The following DENND4C variants were observed in gnomAD, a reference collection of about 807,000 sequenced individuals.
DENND4C encodes DENN domain containing 4C.
Under a neutral mutation model 203.0 loss-of-function variants are expected in DENND4C, and 108 were observed. That is an observed-to-expected ratio of 0.53 (90% confidence interval 0.46 to 0.62). The LOEUF is 0.62. DENND4C is among the 20% of genes least tolerant of loss of function. The probability of loss-of-function intolerance (pLI) is 0.00; values close to 1 mark genes in which losing one functional copy is unlikely to be tolerated. For synonymous variants in DENND4C, 871 were observed against 792.4 expected, an observed-to-expected ratio of 1.10 and a Z score of -1.67; for missense variants, 2,481 against 2,301.2, an observed-to-expected ratio of 1.08 and a Z score of -1.60.
intron 6 of DENND4C, 118 bp downstream of exon 6, chr9:19,296,364 CTTTTTTT>C: frequency 4.2e-6 from 2 of 480,600 alleles, no homozygotes; most frequent in Non-Finnish European, 7.2e-6. Context: ...TTTAACTGAA[CTTTTTTT>C]TTTTTTTTTT....
chr9:19,304,060 A>C (rs1482330043), intron 9 of DENND4C, among the ~76,000 whole-genome samples: 5 of 151,148 alleles, frequency 3.3e-5, no homozygotes, highest in East Asian at 1.9e-4. Context: ...AAAAAAAAAA[A>C]AACCCACAAA....
intron 2 of DENND4C, among the ~76,000 whole-genome samples, chr9:19,277,217 T>C (rs1287043498): frequency 6.6e-6 from 1 of 152,168 alleles, no homozygotes; most frequent in Non-Finnish European, 1.5e-5. Flanking sequence ...AGCTTATCTA[T>C]TTATACAAAA....
intron 10 of DENND4C, among the ~76,000 whole-genome samples, chr9:19,309,961 A>AT (rs1469558452): frequency 2.0e-5 from 3 of 152,096 alleles, no homozygotes; most frequent in African/African-American, 7.2e-5. Flanking sequence ...TCTTTTCAGA[A>AT]TTTTTTGGTG....
intron 1 of DENND4C, among the ~76,000 whole-genome samples, chr9:19,236,109 A>G (rs1408686926): frequency 6.6e-6 from 1 of 152,032 alleles, no homozygotes; most frequent in African/African-American, 2.4e-5. Flanking sequence ...AGATCTTAAA[A>G]GCATAAATGT....
chr9:19,264,919 C>G (rs1830178446), intron 1 of DENND4C, among the ~76,000 whole-genome samples: 8 of 151,990 alleles, frequency 5.3e-5, no homozygotes, highest in Admixed American at 5.2e-4. Flanking sequence ...GATGTAGGCA[C>G]TTTTGCTATA....
intron 26 of DENND4C, among the ~76,000 whole-genome samples, chr9:19,353,358 G>A (rs1824621061): frequency 6.6e-6 from 1 of 152,124 alleles, no homozygotes; most frequent in Non-Finnish European, 1.5e-5. Flanking sequence ...GCCAGGTGTG[G>A]TGGCTCACAC....
intron 9 of DENND4C, among the ~76,000 whole-genome samples, chr9:19,302,549 A>G (rs531744821): frequency 6.6e-6 from 1 of 152,248 alleles, no homozygotes; most frequent in South Asian, 2.1e-4. Flanking sequence ...GTTGAATAGA[A>G]GATAATTGTC....
At position 19,346,503 on chromosome 9, in the gene DENND4C, A is replaced by G. The variant is rs149094194; in HGVS notation, c.3734A>G (p.Asp1245Gly). ...YGIAKVVQRE[D>G]VETGLDPLSL... ...ATTGCTAAGGTGGTTCAGAGGGAAGATGTTGAAACTGGACTAGATCCTTTG... is the reference window on the plus strand; with the variant it reads ...ATTGCTAAGGTGGTTCAGAGGGAAGGTGTTGAAACTGGACTAGATCCTTTG... The change falls in exon 23 of 33, where the codon GAT becomes GGT. Residue 1245 changes from aspartate to glycine, a missense_variant. By Grantham distance (94) the Asp-to-Gly change is moderately conservative. Transcript: ENST00000434457. 873 of 1,614,196 alleles carry G rather than the reference A, an allele frequency of 5.4e-4. 3 individuals carry two copies. The highest frequency in any genetic ancestry group is 4.5e-3 in the Middle Eastern group (27 of 6,062).
At chr9:19,322,242 CT>C (rs1842999363) in intron 12 of DENND4C, among the ~76,000 whole-genome samples, 1 of 152,070 alleles carries the variant, frequency 6.6e-6, no homozygotes, top group Non-Finnish European at 1.5e-5. Flanking sequence ...AGTTGTGGAA[CT>C]TTTTTTCCCC....
At chr9:19,362,422 G>A (rs1483312181) in intron 30 of DENND4C, among the ~76,000 whole-genome samples, 1 of 152,046 alleles carries the variant, frequency 6.6e-6, no homozygotes, top group Non-Finnish European at 1.5e-5. Context: ...AGAATGGACT[G>A]CTGGGAAGAA....
chr9:19,335,253 GTATA>G (rs376699879), intron 18 of DENND4C, 148 bp downstream of exon 18: 4 of 401,970 alleles, frequency 1.0e-5, no homozygotes, highest in Non-Finnish European at 1.6e-5. Context: ...TTGACAAAAA[GTATA>G]TATATTTATC....
At chr9:19,349,041 A>G (rs962856250) in intron 23 of DENND4C, among the ~76,000 whole-genome samples, 1 of 152,086 alleles carries the variant, frequency 6.6e-6, no homozygotes, top group Non-Finnish European at 1.5e-5. Context: ...CCTGGGCTCA[A>G]GTGTTCCTAG....
intron 31 of DENND4C, 51 bp downstream of exon 31, chr9:19,370,038 T>A (rs899720969): frequency 1.2e-5 from 19 of 1,591,824 alleles, no homozygotes; most frequent in Admixed American, 1.7e-5. Flanking sequence ...TTCATGTTTT[T>A]AAAAAAATAT....
At chr9:19,356,159 A>G (rs1825351320) in intron 26 of DENND4C, among the ~76,000 whole-genome samples, 1 of 152,100 alleles carries the variant, frequency 6.6e-6, no homozygotes, top group Non-Finnish European at 1.5e-5. Context: ...TACTTAGTCT[A>G]TCACCTATCT....
chr9:19,356,119 C>T (rs1022930842), intron 26 of DENND4C, among the ~76,000 whole-genome samples: 2 of 151,976 alleles, frequency 1.3e-5, no homozygotes, highest in Non-Finnish European at 2.9e-5. Context: ...CAAATATCTA[C>T]CCCTGCGTCC....
At chr9:19,361,046 G>A (rs980895226) in intron 29 of DENND4C, among the ~76,000 whole-genome samples, 2 of 152,040 alleles carry the variant, frequency 1.3e-5, no homozygotes, top group Non-Finnish European at 2.9e-5. Flanking sequence ...GTTAATTTTT[G>A]TATTTTTGGT....
At chr9:19,321,916 CAT>C (rs765986733) in intron 12 of DENND4C, among the ~76,000 whole-genome samples, 1 of 151,096 alleles carries the variant, frequency 6.6e-6, no homozygotes, top group Non-Finnish European at 1.5e-5. Context: ...ATCCTGAAGT[CAT>C]GTGATGGTTT....
intron 5 of DENND4C, among the ~76,000 whole-genome samples, chr9:19,291,123 AG>A (rs1836208829): frequency 2.0e-5 from 3 of 152,334 alleles, no homozygotes; most frequent in South Asian, 4.1e-4. Context: ...CCAGGTGTCA[AG>A]ATGAGATGAT....
chr9:19,325,470 G>A lies in DENND4C; in HGVS notation c.1954-469G>A, dbSNP rs993846477. The stretch of plus-strand genomic sequence containing the variant: ...GAATATTATGACATTAATTTTTATG[G>A]CCCCCTCATGATTCATATGCCTTAG... On this transcript the variant is annotated intron_variant, in intron 13 of 32. Transcript: ENST00000434457. Among the ~76,000 whole-genome samples the A allele has an allele frequency of 3.3e-5, 5 of 151,892 alleles. 1 individual carries two copies. The highest frequency in any genetic ancestry group is 2.6e-4 in the Admixed American group (4 of 15,240).
Sources: gnomAD v4.1 joint callset for allele counts (sites outside exome capture counted in the v4.1 genomes callset) on GRCh38, gnomAD v4.1.1 for gene constraint, MANE v1.5 for transcripts, NCBI Gene and HGNC (gene_info 2026-07-23, HGNC 2026-07-21) for gene names.